HIVEP3: variants seen among roughly 807,000 people sequenced by gnomAD.
HIVEP3 encodes transcription factor HIVEP3.
A neutral mutation model predicts 152.8 loss-of-function variants in HIVEP3; 49 were observed. The observed-to-expected ratio is 0.32, with a 90% CI of 0.26 to 0.41. HIVEP3 has a LOEUF of 0.41. Among genes scored for constraint, HIVEP3 ranks in the 10% least tolerant of loss-of-function variants. The pLI is 1.00. For synonymous variants in HIVEP3, 1,269 were observed against 1,289.0 expected, an observed-to-expected ratio of 0.98 and a Z score of 0.33; for missense variants, 2,790 against 3,103.3, an observed-to-expected ratio of 0.90 and a Z score of 2.40.
chr1:41,695,002 A>G (rs1358615308), intron 2 of HIVEP3, among the ~76,000 whole-genome samples: 1 of 152,214 alleles, frequency 6.6e-6, no homozygotes, highest in Non-Finnish European at 1.5e-5. Context: ...AATGCTATAC[A>G]GAGTCAAAGA....
intron 1 of HIVEP3, among the ~76,000 whole-genome samples, chr1:41,959,759 T>G (rs1011808510): frequency 6.6e-6 from 1 of 152,180 alleles, no homozygotes; most frequent in Non-Finnish European, 1.5e-5. Flanking sequence ...GAATTTGCAC[T>G]TCCTACATGT....
In HIVEP3 at chr1:41,737,329, G is replaced by C. The variant is rs1470718824; in HGVS notation, c.-800-36334C>G. Among the ~76,000 whole-genome samples, 7 of 152,276 alleles carry C rather than the reference G, an allele frequency of 4.6e-5. No individual in the cohort carries two copies. In the South Asian group the frequency reaches 1.0e-3, roughly 23 times the overall value. ...CAGGCACTTGACCGATACTCTTGCC[G>C]TTCCCACTGCCCACAGTGCCTCCAA... On this transcript the variant is annotated intron_variant, in intron 1 of 8. Transcript: ENST00000372583.
chr1:41,903,773 C>T (rs1467189197), intron 1 of HIVEP3, among the ~76,000 whole-genome samples: 6 of 94,368 alleles, frequency 6.4e-5, no homozygotes, highest in Non-Finnish European at 1.0e-4. Flanking sequence ...AGAGTACACA[C>T]ATGCTTGCCT....
At chr1:41,814,417 T>C (rs1445999966) in intron 1 of HIVEP3, among the ~76,000 whole-genome samples, 1 of 152,206 alleles carries the variant, frequency 6.6e-6, no homozygotes, top group Non-Finnish European at 1.5e-5. Context: ...GGTTGGTATG[T>C]TCCCATTCCA....
intron 3 of HIVEP3, among the ~76,000 whole-genome samples, chr1:41,611,671 A>C (rs1408133070): frequency 6.6e-6 from 1 of 152,252 alleles, no homozygotes; most frequent in Non-Finnish European, 1.5e-5. Context: ...TAATCAAGGA[A>C]GCAAGGGAAA....
chr1:41,747,128 G>A (rs766612577), intron 1 of HIVEP3, among the ~76,000 whole-genome samples: 14 of 152,184 alleles, frequency 9.2e-5, no homozygotes, highest in Non-Finnish European at 1.5e-4. Context: ...AGATTTAAAG[G>A]CCAAACACCT....
intron 1 of HIVEP3, among the ~76,000 whole-genome samples, chr1:41,820,209 T>C (rs555083278): frequency 6.6e-6 from 1 of 152,342 alleles, no homozygotes; most frequent in East Asian, 1.9e-4. Flanking sequence ...AACGTATCTG[T>C]CCATTTCTAC....
rs1352191500 is a variant in HIVEP3 at position 41,978,460 on chromosome 1, A to G, written n.119+57347T>C. Among the ~76,000 whole-genome samples the G allele has an allele frequency of 3.9e-5, 6 of 152,332 alleles. No homozygotes were observed. The East Asian group carries it at 1.2e-3, about 29-fold the overall frequency. On this transcript the variant is annotated intron_variant and non_coding_transcript_variant, in intron 1 of 3. Transcript: ENST00000489103. ...ACACCAGGGTGCAGGTGCACAGAGA[A>G]AAGACCACAGGAGGACACAGGAGGC...
intron 1 of HIVEP3, among the ~76,000 whole-genome samples, chr1:41,733,708 A>C (rs557303773): frequency 6.6e-6 from 1 of 152,340 alleles, no homozygotes; most frequent in Admixed American, 6.5e-5. Context: ...AGTGCCAGGC[A>C]GGGAAGCAGC....
intron 1 of HIVEP3, among the ~76,000 whole-genome samples, chr1:41,816,278 A>T (rs1570597571): frequency 6.6e-6 from 1 of 152,334 alleles, no homozygotes; most frequent in East Asian, 1.9e-4. Flanking sequence ...CGGGGTGGGT[A>T]CATGGAAGGC....
At chr1:41,521,386 C>G (rs10890088) in intron 6 of HIVEP3, among the ~76,000 whole-genome samples, 150,688 of 152,342 alleles carry the variant, frequency 0.99, 74,545 homozygotes, top group East Asian at 1. Context: ...CCATAGGCCT[C>G]CCTCTCCTCT....
intron 5 of HIVEP3, among the ~76,000 whole-genome samples, chr1:41,536,359 G>A (rs755101475): frequency 6.6e-6 from 1 of 152,146 alleles, no homozygotes; most frequent in Non-Finnish European, 1.5e-5. Context: ...CCGACAGAGC[G>A]GCTTTGGGTG....
In HIVEP3 at chr1:41,511,281, C is replaced by A; in HGVS notation, c.6406-15G>T. 6.3e-7 allele frequency: 1 copy of A among 1,576,696 alleles called. No individual in the cohort carries two copies. On this transcript the variant is annotated splice_polypyrimidine_tract_variant and intron_variant, in intron 8 of 8. Transcript: ENST00000372583. The surrounding 1 kb of genome is among the most constrained non-coding windows in gnomAD (Gnocchi z 4.9). The stretch of plus-strand genomic sequence containing the variant: ...TCGGCCTTCTGCTGGGGTCAGAAAA[C>A]AAGACAAGGTAAGGTGAAGGTTACA...
chr1:41,834,277 A>C (rs1265019425), intron 1 of HIVEP3, among the ~76,000 whole-genome samples: 2 of 152,124 alleles, frequency 1.3e-5, no homozygotes, highest in South Asian at 2.1e-4. Context: ...TGACACCCCC[A>C]TTCCCCCACT....
At chr1:42,024,296 C>T (rs1256427747) in intron 1 of HIVEP3, among the ~76,000 whole-genome samples, 1 of 152,164 alleles carries the variant, frequency 6.6e-6, no homozygotes, top group Non-Finnish European at 1.5e-5. Context: ...TTTTTAATCA[C>T]AATCTCTACT....
chr1:41,530,661 C>G (rs879625227), intron 5 of HIVEP3, among the ~76,000 whole-genome samples: 33 of 152,218 alleles, frequency 2.2e-4, no homozygotes, highest in Non-Finnish European at 3.4e-4. Flanking sequence ...TAATGGTGTC[C>G]TTCAGCCTAG....
chr1:41,582,333 T>C lies in HIVEP3; in HGVS notation c.2465A>G (p.Asp822Gly). The C allele has an allele frequency of 6.2e-7, 1 of 1,614,106 alleles. No homozygotes were observed. Among genetic ancestry groups the C allele is most frequent in the Non-Finnish European group, 8.5e-7 (1 of 1,179,982 alleles). ...TGATGGGAACTGGGCCAGAGGTTTG[T>C]CTTCCCCTTCCAAGCCACTCGGCTG... ...LEQPSGLEGE[D>G]KPLAQFPSPP... The change falls in exon 4 of 9, where the codon GAC becomes GGC. Residue 822 changes from aspartate (D) to glycine (G), a missense_variant. Physicochemically the swap from Asp to Gly is moderately conservative, Grantham distance 94. Coordinates refer to ENST00000372583, the MANE Select transcript of HIVEP3 (RefSeq NM_024503.5). This position sits in a 1 kb window ranked among gnomAD's most constrained non-coding sequence, Gnocchi z 4.7.
At position 41,703,245 on chromosome 1, in the gene HIVEP3, C is replaced by G. The variant is rs1220513548; in HGVS notation, c.-800-2250G>C. Among the ~76,000 whole-genome samples, 7 of 152,328 alleles carry G rather than the reference C, an allele frequency of 4.6e-5. No homozygotes were observed. The East Asian group carries it at 1.3e-3, about 29-fold the overall frequency. Reference sequence around the variant, plus strand: ...TGCTGGCACTTTCCAAATCCAGGATCATTCATTCTTGATTCTCATTGTCCA... The same window carrying G: ...TGCTGGCACTTTCCAAATCCAGGATGATTCATTCTTGATTCTCATTGTCCA... On this transcript the variant is annotated intron_variant, in intron 1 of 8. Transcript: ENST00000372583.
intron 5 of HIVEP3, among the ~76,000 whole-genome samples, chr1:41,527,624 A>T (rs1183470604): frequency 3.6e-5 from 4 of 110,354 alleles, no homozygotes; most frequent in Non-Finnish European, 7.3e-5. Context: ...CCACCCTCAC[A>T]CTCGCACTCC....
Sources: gnomAD v4.1 joint callset for allele counts (sites outside exome capture counted in the v4.1 genomes callset) on GRCh38, gnomAD v4.1.1 for gene constraint, Gnocchi (gnomAD v3.1) non-coding constraint, MANE v1.5 for transcripts, NCBI Gene and HGNC (gene_info 2026-07-23, HGNC 2026-07-21) for gene names.